Variants in CMIP observed in about 807,000 individuals in gnomAD.
The protein encoded by CMIP is C-Maf-inducing protein.
In CMIP, 13 loss-of-function variants were observed where a neutral mutation model predicts 97.3. The observed-to-expected ratio is 0.13, with a 90% CI of 0.09 to 0.21. CMIP has a LOEUF of 0.21. Ranked by LOEUF, CMIP falls within the 10% of genes least tolerant of loss-of-function variation. CMIP has a pLI of 1.00. For missense variants in CMIP, 847 were observed against 1,024.9 expected (o/e 0.83, Z 2.37); for synonymous variants, 538 against 436.3 (o/e 1.23, Z -2.91).
At chr16:81,507,785 C>T (rs1218986093) in intron 1 of CMIP, among the ~76,000 whole-genome samples, 1 of 152,140 alleles carries the variant, frequency 6.6e-6, no homozygotes, top group Admixed American at 6.6e-5. Flanking sequence ...GATCACTTTG[C>T]GTTTGCCCTG....
At chr16:81,550,035 A>G (rs1490374323) in intron 1 of CMIP, among the ~76,000 whole-genome samples, 1 of 152,166 alleles carries the variant, frequency 6.6e-6, no homozygotes, top group Non-Finnish European at 1.5e-5. Context: ...GCACATCTAC[A>G]TGTGTGTCAG....
chr16:81,685,357 G>A (rs368235562), intron 10 of CMIP, among the ~76,000 whole-genome samples: 6 of 152,170 alleles, frequency 3.9e-5, no homozygotes, highest in Admixed American at 3.9e-4. Context: ...GGGAGTACAG[G>A]CCACGCTCAC....
chr16:81,593,478 T>C (rs1307658169), intron 1 of CMIP, among the ~76,000 whole-genome samples: 4 of 152,140 alleles, frequency 2.6e-5, no homozygotes, highest in Admixed American at 6.5e-5. Context: ...CTGCTTGCCA[T>C]CCATCATGTG....
At chr16:81,669,771 T>A (rs1047824522) in intron 7 of CMIP, among the ~76,000 whole-genome samples, 1 of 150,856 alleles carries the variant, frequency 6.6e-6, no homozygotes, top group Admixed American at 6.6e-5. Context: ...CACACCCACC[T>A]CTCACACACC....
chr16:81,561,825 G>T (rs567116087), intron 1 of CMIP, among the ~76,000 whole-genome samples: 1 of 152,320 alleles, frequency 6.6e-6, no homozygotes, highest in South Asian at 2.1e-4. Flanking sequence ...CTCAGTTTCA[G>T]TAGGTACATT....
At chr16:81,581,981 C>T (rs996230213) in intron 1 of CMIP, among the ~76,000 whole-genome samples, 1 of 152,168 alleles carries the variant, frequency 6.6e-6, no homozygotes, top group African/African-American at 2.4e-5. Context: ...GCAGCATCAG[C>T]TTCTGGGGAG....
intron 17 of CMIP, 91 bp from the exon 18 acceptor site, chr16:81,703,848 G>GAGGGGAGAGGAGGAGGAT: frequency 6.8e-7 from 1 of 1,475,960 alleles, no homozygotes; most frequent in Non-Finnish European, 9.0e-7. Context: ...TCTGTAGGGC[G>GAGGGGAGAGGAGGAGGAT]AGGGGAGAGG....
intron 13 of CMIP, among the ~76,000 whole-genome samples, chr16:81,694,940 A>T (rs1451586802): frequency 6.6e-6 from 1 of 152,160 alleles, no homozygotes; most frequent in Non-Finnish European, 1.5e-5. Flanking sequence ...TTTTTCTTAA[A>T]CTTAAGTCTT....
chr16:81,615,302 A>C (rs375023265), intron 2 of CMIP, among the ~76,000 whole-genome samples: 1 of 3,910 alleles, frequency 2.6e-4, no homozygotes, highest in African/African-American at 6.5e-4. Flanking sequence ...GTGCATGTGT[A>C]ACTGGTGTGT....
chr16:81,525,285 A>G (rs977598997), intron 1 of CMIP, among the ~76,000 whole-genome samples: 53 of 151,772 alleles, frequency 3.5e-4, no homozygotes, highest in African/African-American at 1.2e-3. Flanking sequence ...CTGGGGTTAC[A>G]GGCACCCGCC....
chr16:81,649,774 C>T (rs185203109), intron 3 of CMIP, among the ~76,000 whole-genome samples: 12 of 152,252 alleles, frequency 7.9e-5, no homozygotes, highest in Non-Finnish European at 1.5e-4. Context: ...GGGTGTGGAT[C>T]GCTGTGGTTT....
chr16:81,589,746 G>A (rs2091438405), intron 1 of CMIP, among the ~76,000 whole-genome samples: 1 of 152,240 alleles, frequency 6.6e-6, no homozygotes, highest in Non-Finnish European at 1.5e-5. Flanking sequence ...ATACAGAGAA[G>A]CACACATACT....
chr16:81,588,321 C>A (rs889690451), intron 1 of CMIP, among the ~76,000 whole-genome samples: 6 of 152,166 alleles, frequency 3.9e-5, no homozygotes, highest in African/African-American at 1.2e-4. Context: ...CTCTCTTTTT[C>A]CCCAGTCCCA....
At chr16:81,467,667 G>A (rs1000743614) in intron 1 of CMIP, among the ~76,000 whole-genome samples, 2 of 149,254 alleles carry the variant, frequency 1.3e-5, no homozygotes, top group African/African-American at 5.0e-5. Flanking sequence ...TACAACCTCC[G>A]CCTTCCAGGT....
intron 1 of CMIP, among the ~76,000 whole-genome samples, chr16:81,528,934 C>A (rs889754370): frequency 6.6e-6 from 1 of 152,102 alleles, no homozygotes; most frequent in African/African-American, 2.4e-5. Flanking sequence ...TGTTTGCCTA[C>A]CAGTCCATGC....
intron 1 of CMIP, among the ~76,000 whole-genome samples, chr16:81,601,895 A>G (rs939730319): frequency 2.0e-5 from 3 of 152,232 alleles, no homozygotes; most frequent in African/African-American, 7.2e-5. Context: ...CTGGTGGCCC[A>G]GGACAAAAGC....
rs1175623145 is a variant in CMIP at position 81,444,814 on chromosome 16, G to C, written c.-428G>C. ...GCCCGCCCCGCCCGCGGCCACTCTCGCCCGGACGGCCGCGCGGACACACGC... is the reference window on the plus strand; with the variant it reads ...GCCCGCCCCGCCCGCGGCCACTCTCCCCCGGACGGCCGCGCGGACACACGC... On this transcript the variant is annotated 5_prime_UTR_variant, in exon 1 of 21. Coordinates refer to ENST00000537098, the MANE Select transcript of CMIP (RefSeq NM_198390.3). 7.0e-6 allele frequency among the ~76,000 whole-genome samples: 1 copy of C among 143,752 alleles called. No homozygotes were observed. The highest frequency in any genetic ancestry group is 1.5e-5 in the Non-Finnish European group (1 of 64,942). 94.3% of individuals were successfully genotyped at this position (143,752 alleles called of 152,430 possible). A position where few individuals can be genotyped will look rare whatever the true frequency, so the allele number is the denominator to read the frequency against.
chr16:81,523,714 C>T (rs1012590958), intron 1 of CMIP, among the ~76,000 whole-genome samples: 3 of 152,204 alleles, frequency 2.0e-5, no homozygotes, highest in Non-Finnish European at 4.4e-5. Context: ...TGGAGAGCAC[C>T]GTGCCTGTTC....
chr16:81,541,334 C>G (rs2090445383), intron 1 of CMIP, among the ~76,000 whole-genome samples: 1 of 152,216 alleles, frequency 6.6e-6, no homozygotes, highest in Non-Finnish European at 1.5e-5. Flanking sequence ...TACTTCTTCA[C>G]TCAGTGAGTC....
Sources: gnomAD v4.1 joint callset for allele counts (sites outside exome capture counted in the v4.1 genomes callset) on GRCh38, gnomAD v4.1.1 for gene constraint, MANE v1.5 for transcripts, NCBI Gene and HGNC (gene_info 2026-07-23, HGNC 2026-07-21) for gene names.